The following SELE variants were observed in gnomAD, a reference collection of about 807,000 sequenced individuals.
SELE encodes selectin E.
Under a neutral mutation model 75.8 loss-of-function variants are expected in SELE, and 52 were observed. That is an observed-to-expected ratio of 0.69 (90% CI 0.55 to 0.86). SELE has a LOEUF of 0.86. Among genes scored for constraint, SELE ranks in the 40% least tolerant of loss-of-function variants. The probability of loss-of-function intolerance (pLI) is 0.00; values close to 1 mark genes in which losing one functional copy is unlikely to be tolerated. For missense variants in SELE, 754 were observed against 732.7 expected, an observed-to-expected ratio of 1.03 and a Z score of -0.34; for synonymous variants, 285 against 258.7, an observed-to-expected ratio of 1.10 and a Z score of -0.98.
At chr1:169,727,990 G>A in intron 8 of SELE, 63 bp from the exon 9 acceptor site, 1 of 1,587,334 alleles carries the variant, frequency 6.3e-7, no homozygotes, top group Non-Finnish European at 8.6e-7. Context: ...GTTTCCCAAG[G>A]TAACCAAGTT....
At position 169,725,751 on chromosome 1, in the gene SELE, A is replaced by T; in HGVS notation, c.1826T>A (p.Ile609Asn). Residue 609 changes from isoleucine to asparagine, a missense_variant, in exon 13 of 14, where the codon ATC (isoleucine) becomes AAC (asparagine). Ile to Asn is a moderately radical substitution (Grantham distance 149). Transcript: ENST00000333360. The stretch of plus-strand genomic sequence containing the variant: ...TACCTGATTCTTTTGAACTTAAAGG[A>T]TGTAAGAAGGCTTTTGGTAGCTTCC... ...SDGSYQKPSYIL is the reference protein window; with the variant it reads ...SDGSYQKPSYNL 1 of 1,614,008 alleles carries T rather than the reference A, an allele frequency of 6.2e-7. No individual in the cohort carries two copies. The highest frequency in any genetic ancestry group is 1.7e-4 in the Middle Eastern group (1 of 6,060).
Position 169,728,151 on chromosome 1 carries a change from A to T in SELE, c.1186T>A (p.Phe396Ile). ...AACACAAAACCCTGCTCACAGGAGA[A>T]CTCACAGCTGGACCCATAACGGAAA... ...GSFRYGSSCE[F>I]SCEQGFVLKG... The change falls in exon 8 of 14, where the codon TTC (phenylalanine) becomes ATC (isoleucine). Residue 396 changes from phenylalanine to isoleucine, a missense_variant. By Grantham distance (21) the Phe-to-Ile change is conservative. Coordinates refer to ENST00000333360, the MANE Select transcript of SELE (RefSeq NM_000450.2). The T allele has an allele frequency of 6.2e-7, 1 of 1,614,218 alleles. No homozygotes were observed. Among genetic ancestry groups the T allele is most frequent in the Non-Finnish European group, 8.5e-7 (1 of 1,180,030 alleles).
At chr1:169,729,165 A>C in intron 7 of SELE, 21 bp downstream of exon 7, 1 of 1,570,314 alleles carries the variant, frequency 6.4e-7, no homozygotes, top group Non-Finnish European at 8.6e-7. Flanking sequence ...GAAAGTATAA[A>C]TCGAAGGATC....
rs1648783362 is a variant in SELE, at chr1:169,726,742, T to C, written c.1710A>G (p.Thr570=). The C allele has an allele frequency of 5.0e-6, 8 of 1,613,782 alleles. No individual in the cohort carries two copies. The highest frequency in any genetic ancestry group is 5.9e-6 in the Non-Finnish European group (7 of 1,179,910). The part of the protein sequence containing the change: ...GLSAAGLSLL[T]LAPFLLWLRK... Reference sequence around the variant, plus strand: ...GAAGCCAGAGGAGAAATGGTGCTAATGTCAGGAGGGAGAGTCCAGCAGCAG... The same window carrying C: ...GAAGCCAGAGGAGAAATGGTGCTAACGTCAGGAGGGAGAGTCCAGCAGCAG... Residue 570 remains threonine (T), a synonymous_variant, in exon 11 of 14, where the codon ACA becomes ACG. Coordinates refer to ENST00000333360, the MANE Select transcript of SELE (RefSeq NM_000450.2).
In SELE at chr1:169,723,614, CA is replaced by C. The variant is rs1220978432; in HGVS notation, c.*910del. On this transcript the variant is annotated 3_prime_UTR_variant, in exon 14 of 14. Coordinates refer to ENST00000333360, the MANE Select transcript of SELE (RefSeq NM_000450.2). Reference sequence around the variant, plus strand: ...TTACTCTCCAATTCTACCATGTTTTCAAAAAACAACTGTAGTAAAAACACTC... The same window carrying C: ...TTACTCTCCAATTCTACCATGTTTTCAAAAACAACTGTAGTAAAAACACTC... 1 of 152,112 alleles carries C rather than the reference CA, an allele frequency of 6.6e-6. No individual in the cohort carries two copies. Among genetic ancestry groups the C allele is most frequent in the Non-Finnish European group, 1.5e-5 (1 of 67,998 alleles). 9.4% of individuals were successfully genotyped at this position (152,112 alleles called of 1,614,324 possible). A position where few individuals can be genotyped will look rare whatever the true frequency, so the allele number is the denominator to read the frequency against.
rs571300474 is a variant in SELE, at chr1:169,723,712, CA to C, written c.*812del. 6.0e-4 allele frequency: 91 copies of C among 152,294 alleles called. No homozygotes were observed. Among genetic ancestry groups the C allele is most frequent in the African/African-American group, 2.0e-3 (84 of 41,560 alleles). 9.4% of individuals were successfully genotyped at this position (152,294 alleles called of 1,614,324 possible). On this transcript the variant is annotated 3_prime_UTR_variant, in exon 14 of 14. Transcript: ENST00000333360. Reference sequence around the variant, plus strand: ...TTCCCTTTTTGAAATAAATTTAAAACAGATGTAACATAATTTGTTAATAAAC... The same window carrying C: ...TTCCCTTTTTGAAATAAATTTAAAACGATGTAACATAATTTGTTAATAAAC...
intron 9 of SELE, 71 bp from the exon 10 acceptor site, chr1:169,727,596 G>A: frequency 6.4e-7 from 1 of 1,566,536 alleles, no homozygotes; most frequent in East Asian, 2.3e-5. Context: ...TTGCTTAAAA[G>A]TCAACAATGA....
In SELE at chr1:169,727,797, T is replaced by C; in HGVS notation, c.1410A>G (p.Ser470=). Residue 470 remains serine, a synonymous_variant, in exon 9 of 14, where the codon TCA becomes TCG. Transcript: ENST00000333360. The stretch of plus-strand genomic sequence containing the variant: ...CCTGAGATGTGCACTCAAGTTGAGT[T>C]GATCCATGTAATTCAAATCCCTCCT... ...SCEEGFELHG[S]TQLECTSQGQ... 6.2e-7 allele frequency: 1 copy of C among 1,614,184 alleles called. No individual in the cohort carries two copies. The highest frequency in any genetic ancestry group is 8.5e-7 in the Non-Finnish European group (1 of 1,180,008).
intron 4 of SELE, 76 bp downstream of exon 4, chr1:169,731,759 C>T (rs1648916979): frequency 4.1e-6 from 4 of 968,436 alleles, no homozygotes; most frequent in Non-Finnish European, 6.6e-6. Context: ...GGCATGCAGA[C>T]CTGACTCTAA....
At chr1:169,727,283 T>C in intron 10 of SELE, 66 bp downstream of exon 10, 1 of 1,523,992 alleles carries the variant, frequency 6.6e-7, no homozygotes, top group Non-Finnish European at 8.9e-7. Flanking sequence ...AGTTGATTAC[T>C]GTAACAAGAT....
Position 169,730,511 on chromosome 1 carries a change from C to A in SELE, c.636G>T (p.Arg212Ser). ...YNSSCSISCD[R>S]GYLPSSMETM... ...TCTCCATGCTGCTTGGCAGGTAACC[C>A]CTATCACAGCTGATAGAGCAGGAAG... The change falls in exon 5 of 14, where the codon AGG (arginine) becomes AGT (serine). Residue 212 changes from arginine (R) to serine (S), a missense_variant. Transcript: ENST00000333360. 3.7e-6 allele frequency: 6 copies of A among 1,613,898 alleles called. No individual in the cohort carries two copies. The highest frequency in any genetic ancestry group is 5.1e-6 in the Non-Finnish European group (6 of 1,179,878).
rs1241089971 is a variant in SELE at position 169,729,186 on chromosome 1, C to T, written c.1090G>A (p.Ala364Thr). 1 of 1,599,612 alleles carries T rather than the reference C, an allele frequency of 6.3e-7. No homozygotes were observed. Among genetic ancestry groups the T allele is most frequent in the South Asian group, 1.1e-5 (1 of 89,124 alleles). The change falls in exon 7 of 14, where the codon GCT (alanine) becomes ACT (threonine). Residue 364 changes from alanine (A) to threonine (T), a missense_variant and splice_region_variant. Transcript: ENST00000333360. Reference sequence around the variant, plus strand: ...ATAAATCGAAGGATCTCAAGCTTACCTTCACAAACTGGGATTTGCTGTGTC... The same window carrying T: ...ATAAATCGAAGGATCTCAAGCTTACTTTCACAAACTGGGATTTGCTGTGTC... ...QWTQQIPVCE[A>T]FQCTALSNPE...
Position 169,725,942 on chromosome 1 carries a change from GACAA to G in SELE, c.1754-18_1754-15del, listed in dbSNP as rs1558012855. ...CAAATTTCTTTGCTGCAAAAGAAAA[GACAA>G]ACAACCATTAATTCAGACTAAATGA... is the stretch of plus-strand genomic sequence containing the variant. On this transcript the variant is annotated splice_polypyrimidine_tract_variant and intron_variant, in intron 11 of 13. Transcript: ENST00000333360. The G allele has an allele frequency of 1.9e-6, 3 of 1,613,706 alleles. No individual in the cohort carries two copies. Among genetic ancestry groups the G allele is most frequent in the Admixed American group, 1.7e-5 (1 of 59,996 alleles).
Position 169,732,683 on chromosome 1 carries a change from C to G in SELE, c.353G>C (p.Arg118Thr). The G allele has an allele frequency of 6.2e-7, 1 of 1,613,698 alleles. No homozygotes were observed. The highest frequency in any genetic ancestry group is 1.7e-5 in the Admixed American group (1 of 59,950). Reference sequence around the variant, plus strand: ...ATTCCACATGCCCACATCTTTTTCTCTCTTGATGTAGATCTCCACGCAGTC... The same window carrying G: ...ATTCCACATGCCCACATCTTTTTCTGTCTTGATGTAGATCTCCACGCAGTC... ...DEDCVEIYIK[R>T]EKDVGMWNDE... Residue 118 changes from arginine to threonine, a missense_variant, in exon 3 of 14, where the codon AGA (arginine) becomes ACA (threonine). By Grantham distance (71) the Arg-to-Thr change is moderately conservative. Transcript: ENST00000333360.
Position 169,730,620 on chromosome 1 carries a change from GA to G in SELE, c.530-4del. On this transcript the variant is annotated splice_polypyrimidine_tract_variant and splice_region_variant and intron_variant, in intron 4 of 13. Coordinates refer to ENST00000333360, the MANE Select transcript of SELE (RefSeq NM_000450.2). ...TTCCAGGGCTGTACAGTTCACAACT[GA>G]AAAAGAAACCCAAATCAGTTCTGCT... The G allele has an allele frequency of 6.3e-7, 1 of 1,585,556 alleles. No individual in the cohort carries two copies. Among genetic ancestry groups the G allele is most frequent in the Non-Finnish European group, 8.6e-7 (1 of 1,163,328 alleles).
In SELE at chr1:169,730,601, G is replaced by C; in HGVS notation, c.546C>G (p.Ala182=). The change falls in exon 5 of 14, where the codon GCC becomes GCG. Residue 182 remains alanine, a synonymous_variant. Coordinates refer to ENST00000333360, the MANE Select transcript of SELE (RefSeq NM_000450.2). ...LKCEQIVNCT[A]LESPEHGSLV... ...GGCTTCCATGCTCAGGGGATTCCAGGGCTGTACAGTTCACAACTGAAAAAG... is the reference window on the plus strand; with the variant it reads ...GGCTTCCATGCTCAGGGGATTCCAGCGCTGTACAGTTCACAACTGAAAAAG... 6.2e-7 allele frequency: 1 copy of C among 1,613,386 alleles called. No individual in the cohort carries two copies. The highest frequency in any genetic ancestry group is 2.2e-5 in the East Asian group (1 of 44,840).
rs766374260 is a variant in SELE at position 169,729,289 on chromosome 1, T to C, written c.987A>G (p.Ser329=). ...CTTCCTCACAGGTGAAGTTGCAGGA[T>C]GATTTGAAGGTGAACTCTCCAGCAG... ...HSPAGEFTFK[S]SCNFTCEEGF... Residue 329 remains serine (S), a synonymous_variant, in exon 7 of 14, where the codon TCA becomes TCG. Coordinates refer to ENST00000333360, the MANE Select transcript of SELE (RefSeq NM_000450.2). 3 of 1,614,108 alleles carry C rather than the reference T, an allele frequency of 1.9e-6. No individual in the cohort carries two copies. Among genetic ancestry groups the C allele is most frequent in the South Asian group, 2.2e-5 (2 of 91,074 alleles).
chr1:169,725,153 C>A (rs1376553501), intron 13 of SELE, among the ~76,000 whole-genome samples: 1 of 152,060 alleles, frequency 6.6e-6, no homozygotes, highest in Non-Finnish European at 1.5e-5. Context: ...TTTGAGAGGC[C>A]AAGGCGGGTG....
Position 169,730,485 on chromosome 1 carries a change from G to C in SELE, c.662C>G (p.Thr221Ser). Residue 221 changes from threonine to serine, a missense_variant, in exon 5 of 14, where the codon ACC becomes AGC. Coordinates refer to ENST00000333360, the MANE Select transcript of SELE (RefSeq NM_000450.2). ...TTCTCCAGAGGACATACACTGCATG[G>C]TCTCCATGCTGCTTGGCAGGTAACC... The part of the protein sequence containing the change: ...DRGYLPSSME[T>S]MQCMSSGEWS... The C allele has an allele frequency of 6.2e-7, 1 of 1,614,062 alleles. No individual in the cohort carries two copies. Among genetic ancestry groups the C allele is most frequent in the Non-Finnish European group, 8.5e-7 (1 of 1,179,972 alleles).
Sources: gnomAD v4.1 joint callset for allele counts (sites outside exome capture counted in the v4.1 genomes callset) on GRCh38, gnomAD v4.1.1 for gene constraint, MANE v1.5 for transcripts, NCBI Gene and HGNC (gene_info 2026-07-23, HGNC 2026-07-21) for gene names.